Variants in ZNF398 observed in about 807,000 individuals in gnomAD.
The protein encoded by ZNF398 is zinc finger DNA binding protein ZER6.
Under a neutral mutation model 41.9 loss-of-function variants are expected in ZNF398, and 18 were observed. The ratio of observed to expected loss-of-function variants is 0.43; its 90% CI spans 0.30 to 0.64. The LOEUF (loss-of-function observed/expected upper bound fraction) is 0.64. Ranked by LOEUF, ZNF398 falls within the 30% of genes least tolerant of loss-of-function variation. The pLI is 0.14. For synonymous variants in ZNF398, 260 were observed against 308.8 expected (o/e 0.84, Z 1.66); for missense variants, 669 against 822.8 (o/e 0.81, Z 2.29).
rs1158405241 is a variant in ZNF398 at position 149,180,183 on chromosome 7, C to G, written c.*382C>G. The G allele has an allele frequency of 2.4e-5, 4 of 165,204 alleles. No individual in the cohort carries two copies. In the Admixed American group the frequency reaches 2.4e-4, roughly 10 times the overall value. 10.2% of individuals were successfully genotyped at this position (165,204 alleles called of 1,614,324 possible). The stretch of plus-strand genomic sequence containing the variant: ...GGTAGAGACAGATACATGAGAAGAG[C>G]CTCCAAAACTGGAAGCCCATCATAA... On this transcript the variant is annotated 3_prime_UTR_variant, in exon 6 of 6. Coordinates refer to ENST00000475153, the MANE Select transcript of ZNF398 (RefSeq NM_170686.3).
upstream of ZNF398, among the ~76,000 whole-genome samples, chr7:149,144,609 AT>A (rs1010328876): frequency 2.2e-4 from 30 of 138,710 alleles, no homozygotes; most frequent in African/African-American, 8.3e-4. Flanking sequence ...CTTTTTTGAG[AT>A]GGAGTTTCAC....
In ZNF398 at chr7:149,176,528, T is replaced by C. The variant is rs1222469791; in HGVS notation, c.722T>C (p.Val241Ala). ...SWIKQEEEPQVGAPPESKESD... is the reference protein window; with the variant it reads ...SWIKQEEEPQAGAPPESKESD... ...ATTAAACAAGAAGAAGAGCCTCAGG[T>C]TGGGGCCCCACCGGAGTCCAAGGAG... The change falls in exon 5 of 6, where the codon GTT (valine) becomes GCT (alanine). Residue 241 changes from valine (V) to alanine (A), a missense_variant. Physicochemically the swap from Val to Ala is moderately conservative, Grantham distance 64. Transcript: ENST00000475153. 2.5e-6 allele frequency: 4 copies of C among 1,613,346 alleles called. No individual in the cohort carries two copies. The highest frequency in any genetic ancestry group is 2.2e-5 in the East Asian group (1 of 44,858).
intron 2 of ZNF398, among the ~76,000 whole-genome samples, chr7:149,136,294 C>T (rs1213492897): frequency 1.3e-5 from 2 of 152,150 alleles, no homozygotes; most frequent in African/African-American, 4.8e-5. Flanking sequence ...CAGAGGCGCT[C>T]CTCACTTCCC....
chr7:149,129,589 A>C (rs1183971784), intron 2 of ZNF398, among the ~76,000 whole-genome samples: 12 of 151,982 alleles, frequency 7.9e-5, no homozygotes, highest in Non-Finnish European at 1.6e-4. Context: ...CATATTGGTC[A>C]GGCTGTTCTC....
chr7:149,135,790 C>T (rs1288144071), intron 2 of ZNF398, among the ~76,000 whole-genome samples: 3 of 152,008 alleles, frequency 2.0e-5, no homozygotes, highest in Non-Finnish European at 4.4e-5. Flanking sequence ...ATCCCAGTCT[C>T]CACTAAAAAT....
Position 149,179,170 on chromosome 7 carries a change from C to G in ZNF398, c.1298C>G (p.Pro433Arg). ...CGTCCTTTCCCCTGTCCTGATTGCC[C>G]CAAGCGCTTTGCTGACCAGGCTCGA... ...TERPFPCPDC[P>R]KRFADQARLT... The change falls in exon 6 of 6, where the codon CCC (proline) becomes CGC (arginine). Residue 433 changes from proline to arginine, a missense_variant. Physicochemically the swap from Pro to Arg is moderately radical, Grantham distance 103. This residue lies in a region of ZNF398 where 210 missense variants were observed against 290.4 expected (regional missense o/e 0.72). Transcript: ENST00000475153. The surrounding 1 kb of genome is among the most constrained non-coding windows in gnomAD (Gnocchi z 6.1). The G allele has an allele frequency of 6.2e-7, 1 of 1,613,808 alleles. No individual in the cohort carries two copies. Among genetic ancestry groups the G allele is most frequent in the Admixed American group, 1.7e-5 (1 of 59,992 alleles).
chr7:149,141,517 T>A (rs747919728), intron 2 of ZNF398, among the ~76,000 whole-genome samples: 3 of 139,674 alleles, frequency 2.1e-5, no homozygotes, highest in Non-Finnish European at 4.6e-5. Flanking sequence ...TGCAGTGGCA[T>A]GAACTTGGCT....
At chr7:149,151,164 A>G (rs113758227) in intron 1 of ZNF398, 24 of 1,053,926 alleles carry the variant, frequency 2.3e-5, no homozygotes, top group African/African-American at 2.1e-4. Context: ...CTTAGAAACC[A>G]TTGGTATGTG....
Position 149,141,504 on chromosome 7 carries a change from G to A in ZNF398, c.-489-12441G>A, listed in dbSNP as rs1241931447. ...GAGTCTCACTCTGTAGCCCAGGCTG[G>A]AGTGCAGTGGCATGAACTTGGCTCA... On this transcript the variant is annotated intron_variant, in intron 2 of 6. Transcript: ENST00000426851. 4.5e-5 allele frequency among the ~76,000 whole-genome samples: 6 copies of A among 134,446 alleles called. No homozygotes were observed. In the Admixed American group the frequency reaches 5.7e-4, roughly 13 times the overall value. 88.2% of individuals were successfully genotyped at this position (134,446 alleles called of 152,430 possible).
Position 149,154,023 on chromosome 7 carries a change from C to T in ZNF398, c.103C>T (p.His35Tyr). 6.2e-7 allele frequency: 1 copy of T among 1,614,210 alleles called. No homozygotes were observed. The highest frequency in any genetic ancestry group is 8.5e-7 in the Non-Finnish European group (1 of 1,180,036). ...LPTPPAANEAHLQTAAISLWT... is the reference protein window; with the variant it reads ...LPTPPAANEAYLQTAAISLWT... ...TACACCCCCAGCAGCAAATGAGGCA[C>T]ACCTGCAGACAGCAGCTATCTCTCT... The change falls in exon 2 of 6, where the codon CAC becomes TAC. Residue 35 changes from histidine to tyrosine, a missense_variant. Around this residue, in one of 3 missense-constraint regions of ZNF398, gnomAD observed 169 missense variants for 239.5 expected, o/e 0.71. Transcript: ENST00000475153.
Position 149,147,985 on chromosome 7 carries a change from T to A in ZNF398, c.24+219T>A. 2 of 432,370 alleles carry A rather than the reference T, an allele frequency of 4.6e-6. No individual in the cohort carries two copies. The highest frequency in any genetic ancestry group is 7.4e-5 in the East Asian group (2 of 26,986). The allele number at this position is 432,370 out of a possible 1,614,324, so 26.8% of individuals were successfully genotyped here. ...GGGACACCAGGCTGGGCCGCAGGTC[T>A]GAGGGGCACTCGCAGGCAGCTATGA... On this transcript the variant is annotated intron_variant, in intron 1 of 5. Coordinates refer to ENST00000475153, the MANE Select transcript of ZNF398 (RefSeq NM_170686.3). This position sits in a 1 kb window ranked among gnomAD's most constrained non-coding sequence, Gnocchi z 5.6.
In ZNF398 at chr7:149,181,677, G is replaced by C. The variant is rs1182973707; in HGVS notation, c.*1876G>C. 6.6e-6 allele frequency: 1 copy of C among 152,114 alleles called. No homozygotes were observed. Among genetic ancestry groups the C allele is most frequent in the Non-Finnish European group, 1.5e-5 (1 of 68,028 alleles). 9.4% of individuals were successfully genotyped at this position (152,114 alleles called of 1,614,324 possible). A position where few individuals can be genotyped will look rare whatever the true frequency, so the allele number is the denominator to read the frequency against. On this transcript the variant is annotated 3_prime_UTR_variant, in exon 6 of 6. Transcript: ENST00000475153. ...TGCTCCATGACATTCACAATACCAG[G>C]GACCATGGGAGACACAAGAAATGTG...
At chr7:149,150,907 A>C (rs1455846583) in intron 1 of ZNF398, among the ~76,000 whole-genome samples, 16 of 152,060 alleles carry the variant, frequency 1.1e-4, no homozygotes, top group Non-Finnish European at 2.2e-4. Context: ...ATAGGGTTTC[A>C]CCATGCTGGT....
At chr7:149,171,777 A>T (rs534790720) in intron 4 of ZNF398, among the ~76,000 whole-genome samples, 3 of 152,238 alleles carry the variant, frequency 2.0e-5, no homozygotes, top group East Asian at 3.9e-4. Context: ...GGTTCAAGTG[A>T]TTCTCCTGCC....
intron 2 of ZNF398, among the ~76,000 whole-genome samples, chr7:149,136,582 T>C (rs1325500746): frequency 6.6e-6 from 1 of 152,150 alleles, no homozygotes; most frequent in Non-Finnish European, 1.5e-5. Context: ...TTTTTTTCTT[T>C]TTTGAGATGG....
At chr7:149,166,996 T>C (rs1795238963) in intron 4 of ZNF398, 66 bp downstream of exon 4, 2 of 1,164,464 alleles carry the variant, frequency 1.7e-6, no homozygotes, top group Non-Finnish European at 2.5e-6. Flanking sequence ...GGCTCAGAGC[T>C]AAGCAGGGCT....
Position 149,147,836 on chromosome 7 carries a change from C to A in ZNF398, c.24+70C>A. The A allele has an allele frequency of 1.5e-6, 2 of 1,311,110 alleles. No individual in the cohort carries two copies. The highest frequency in any genetic ancestry group is 9.8e-7 in the Non-Finnish European group (1 of 1,025,234). The allele number at this position is 1,311,110 out of a possible 1,614,324, so 81.2% of individuals were successfully genotyped here. ...ACCCCGAGGGAGGAAGGCGGGCGGG[C>A]AGGGAGCTGCCAGGCATAGGCGCCG... On this transcript the variant is annotated intron_variant, in intron 1 of 5. Coordinates refer to ENST00000475153, the MANE Select transcript of ZNF398 (RefSeq NM_170686.3). This position sits in a 1 kb window ranked among gnomAD's most constrained non-coding sequence, Gnocchi z 5.6.
chr7:149,154,670 CT>C (rs955163842), intron 2 of ZNF398, among the ~76,000 whole-genome samples: 5 of 151,938 alleles, frequency 3.3e-5, no homozygotes, highest in African/African-American at 1.2e-4. Flanking sequence ...GTGCCAGATT[CT>C]TGGGGAGGAG....
At chr7:149,126,720 T>C (rs1324528948) in intron 1 of ZNF398, 1 of 154,562 alleles carries the variant, frequency 6.5e-6, no homozygotes, top group African/African-American at 2.4e-5. Context: ...GAGGGTTTCG[T>C]TTGTGAGGGG....
Sources: gnomAD v4.1 joint callset for allele counts (sites outside exome capture counted in the v4.1 genomes callset) on GRCh38, gnomAD v4.1.1 for gene constraint, gnomAD v4.1.1 regional missense constraint, Gnocchi (gnomAD v3.1) non-coding constraint, MANE v1.5 for transcripts, NCBI Gene and HGNC (gene_info 2026-07-23, HGNC 2026-07-21) for gene names.